PLD5: variants seen among roughly 807,000 people sequenced by gnomAD.
The protein encoded by PLD5 is inactive phospholipase D5.
PLD5 carries 36 observed loss-of-function variants against 61.1 expected under a neutral mutation model. The ratio of observed to expected loss-of-function variants is 0.59; its 90% CI spans 0.45 to 0.78. The LOEUF is 0.78. Among genes scored for constraint, PLD5 ranks in the 30% least tolerant of loss-of-function variants. PLD5 has a pLI of 0.00. For synonymous variants in PLD5, 243 were observed against 242.8 expected (o/e 1.00, Z -0.01); for missense variants, 515 against 644.4 (o/e 0.80, Z 2.17).
At chr1:242,341,422 T>C (rs887125593) in intron 2 of PLD5, among the ~76,000 whole-genome samples, 1 of 152,174 alleles carries the variant, frequency 6.6e-6, no homozygotes, top group Non-Finnish European at 1.5e-5. Context: ...GATATAAATC[T>C]AGATGTCTGT....
At chr1:242,432,891 G>T (rs1444851857) in intron 1 of PLD5, among the ~76,000 whole-genome samples, 1 of 152,172 alleles carries the variant, frequency 6.6e-6, no homozygotes, top group African/African-American at 2.4e-5. Flanking sequence ...GAGACCAAGA[G>T]ATACAGAGAT....
intron 1 of PLD5, among the ~76,000 whole-genome samples, chr1:242,374,373 C>T (rs865875523): frequency 1.3e-5 from 2 of 152,154 alleles, no homozygotes; most frequent in Admixed American, 6.5e-5. Context: ...GAGAGGCTGA[C>T]ATTTTCCTTC....
At chr1:242,493,894 C>T (rs1437585347) in intron 1 of PLD5, among the ~76,000 whole-genome samples, 1 of 152,212 alleles carries the variant, frequency 6.6e-6, no homozygotes, top group Non-Finnish European at 1.5e-5. Flanking sequence ...CTGCAAAAAT[C>T]CCTTCTCATA....
intron 1 of PLD5, among the ~76,000 whole-genome samples, chr1:242,415,000 G>A (rs1487462471): frequency 2.0e-5 from 3 of 152,172 alleles, no homozygotes; most frequent in Non-Finnish European, 4.4e-5. Flanking sequence ...ATGAAAAAAG[G>A]ATTCAATTTC....
At chr1:242,283,586 C>T (rs946743011) in intron 3 of PLD5, among the ~76,000 whole-genome samples, 1 of 152,096 alleles carries the variant, frequency 6.6e-6, no homozygotes, top group Non-Finnish European at 1.5e-5. Flanking sequence ...AAGCTGTGAA[C>T]CTGACACATT....
At chr1:242,517,550 A>G (rs1003214651) in intron 1 of PLD5, among the ~76,000 whole-genome samples, 3 of 152,198 alleles carry the variant, frequency 2.0e-5, no homozygotes, top group African/African-American at 7.2e-5. Context: ...GTTATGATAC[A>G]TTATCATTAT....
chr1:242,367,004 T>C (rs1231899143), intron 1 of PLD5, among the ~76,000 whole-genome samples: 3 of 151,806 alleles, frequency 2.0e-5, no homozygotes, highest in African/African-American at 7.3e-5. Context: ...CATATTAGCA[T>C]ACAAAATATA....
intron 1 of PLD5, among the ~76,000 whole-genome samples, chr1:242,487,724 A>C (rs1668009389): frequency 6.6e-6 from 1 of 152,184 alleles, no homozygotes; most frequent in African/African-American, 2.4e-5. Flanking sequence ...AAAATGAGCA[A>C]AAGATCTGAA....
At chr1:242,095,689 A>G (rs1163441173) in intron 9 of PLD5, among the ~76,000 whole-genome samples, 1 of 152,194 alleles carries the variant, frequency 6.6e-6, no homozygotes, top group Non-Finnish European at 1.5e-5. Flanking sequence ...GAATTGACAC[A>G]CAACATCTTA....
At chr1:242,197,561 C>T (rs930685285) in intron 5 of PLD5, among the ~76,000 whole-genome samples, 6 of 152,128 alleles carry the variant, frequency 3.9e-5, no homozygotes, top group Non-Finnish European at 8.8e-5. Flanking sequence ...TGAATCCTTC[C>T]AGCTTCAGCT....
At chr1:242,414,851 A>G (rs1664737894) in intron 1 of PLD5, among the ~76,000 whole-genome samples, 2 of 152,340 alleles carry the variant, frequency 1.3e-5, no homozygotes, top group South Asian at 4.1e-4. Context: ...CAAATGACAA[A>G]TTGAGGAAAA....
At position 242,113,345 on chromosome 1, in the gene PLD5, G is replaced by A. The variant is rs1030433950; in HGVS notation, c.1070+545C>T. 3.3e-5 allele frequency among the ~76,000 whole-genome samples: 5 copies of A among 151,986 alleles called. No individual in the cohort carries two copies. In the East Asian group the frequency reaches 5.8e-4, roughly 18 times the overall value. On this transcript the variant is annotated intron_variant, in intron 7 of 9. Transcript: ENST00000536534. ...CCTGACCTCGTGATCCGCCCGCCTC[G>A]GCCTCCCAAAGTGCTGGGATTACAG...
At chr1:242,458,731 T>C (rs908019285) in intron 1 of PLD5, among the ~76,000 whole-genome samples, 2 of 152,020 alleles carry the variant, frequency 1.3e-5, no homozygotes, top group Non-Finnish European at 2.9e-5. Flanking sequence ...TAATTACCTG[T>C]GTTAATTGTT....
At chr1:242,208,812 AC>A (rs1284426264) in intron 5 of PLD5, among the ~76,000 whole-genome samples, 1 of 152,190 alleles carries the variant, frequency 6.6e-6, no homozygotes, top group Non-Finnish European at 1.5e-5. Context: ...TTTCATAGAA[AC>A]CTTTTAATTC....
At chr1:242,149,520 A>G (rs1253210999) in intron 5 of PLD5, among the ~76,000 whole-genome samples, 1 of 150,768 alleles carries the variant, frequency 6.6e-6, no homozygotes, top group Non-Finnish European at 1.5e-5. Flanking sequence ...TTTTTTTTTA[A>G]TATTCTGGAA....
intron 1 of PLD5, among the ~76,000 whole-genome samples, chr1:242,415,674 G>A (rs1042726735): frequency 5.3e-5 from 8 of 151,760 alleles, no homozygotes; most frequent in African/African-American, 1.5e-4. Flanking sequence ...CACCACGCCC[G>A]GCCAAATTTT....
At chr1:242,289,359 C>CT (rs1006508385) in intron 2 of PLD5, among the ~76,000 whole-genome samples, 1 of 151,802 alleles carries the variant, frequency 6.6e-6, no homozygotes. Context: ...TCCCGCAATT[C>CT]TTTTTTTGAG....
At chr1:242,278,076 T>A (rs1003103640) in intron 3 of PLD5, among the ~76,000 whole-genome samples, 1 of 152,188 alleles carries the variant, frequency 6.6e-6, no homozygotes, top group South Asian at 2.1e-4. Context: ...TGTCAAAAAC[T>A]TTTTTTGTTG....
chr1:242,421,547 G>C (rs1176852920), intron 1 of PLD5, among the ~76,000 whole-genome samples: 1 of 152,176 alleles, frequency 6.6e-6, no homozygotes, highest in East Asian at 1.9e-4. Context: ...GACCAAGCCT[G>C]ACCAGGAGAT....
Sources: gnomAD v4.1 joint callset for allele counts (sites outside exome capture counted in the v4.1 genomes callset) on GRCh38, gnomAD v4.1.1 for gene constraint, MANE v1.5 for transcripts, NCBI Gene and HGNC (gene_info 2026-07-23, HGNC 2026-07-21) for gene names.